Variants in HS3ST4 observed in about 807,000 individuals in gnomAD.
HS3ST4 encodes the protein heparan sulfate-glucosamine 3-sulfotransferase 4.
HS3ST4 carries 17 observed loss-of-function variants against 29.2 expected under a neutral mutation model. The observed-to-expected ratio is 0.58, with a 90% CI of 0.40 to 0.87. The LOEUF is 0.87. Among genes scored for constraint, HS3ST4 ranks in the 40% least tolerant of loss-of-function variants. HS3ST4 has a pLI of 0.00. For missense variants in HS3ST4, 627 were observed against 634.5 expected (o/e 0.99, Z 0.13); for synonymous variants, 314 against 285.7 (o/e 1.10, Z -1.00).
At chr16:25,951,784 C>T (rs6497902) in intron 1 of HS3ST4, among the ~76,000 whole-genome samples, 23,687 of 152,054 alleles carry the variant, frequency 0.16, 3,374 homozygotes, top group African/African-American at 0.38. Context: ...TTCCCAGACA[C>T]TTTTCTAGAC....
At chr16:26,132,737 A>C (rs1170301790) in intron 1 of HS3ST4, among the ~76,000 whole-genome samples, 1 of 152,194 alleles carries the variant, frequency 6.6e-6, no homozygotes, top group Non-Finnish European at 1.5e-5. Context: ...AAAGTTGAGC[A>C]GCTGCTCCTA....
intron 1 of HS3ST4, among the ~76,000 whole-genome samples, chr16:25,800,221 A>G (rs1025159125): frequency 5.9e-5 from 9 of 152,100 alleles, no homozygotes; most frequent in African/African-American, 1.7e-4. Flanking sequence ...GTCAAATTTT[A>G]ATGTAAGTTT....
intron 1 of HS3ST4, chr16:26,062,672 G>A (rs1177535608): frequency 1.3e-5 from 2 of 151,598 alleles, no homozygotes; most frequent in Admixed American, 1.3e-4. Context: ...CACGAAAATT[G>A]TTTACATGAT....
chr16:25,842,505 C>A (rs1967425976), intron 1 of HS3ST4, among the ~76,000 whole-genome samples: 1 of 152,180 alleles, frequency 6.6e-6, no homozygotes, highest in South Asian at 2.1e-4. Flanking sequence ...GAAGAAGCTG[C>A]CTTTTTCATC....
intron 1 of HS3ST4, among the ~76,000 whole-genome samples, chr16:26,036,405 C>G (rs1302702159): frequency 6.6e-6 from 1 of 152,124 alleles, no homozygotes; most frequent in Admixed American, 6.5e-5. Flanking sequence ...TAGACGTGAC[C>G]CTGCCCAATC....
At chr16:25,883,160 T>A (rs977250825) in intron 1 of HS3ST4, among the ~76,000 whole-genome samples, 2 of 150,286 alleles carry the variant, frequency 1.3e-5, no homozygotes, top group Non-Finnish European at 3.0e-5. Context: ...TTTTTTTTTT[T>A]TTTTTTTCAG....
intron 1 of HS3ST4, among the ~76,000 whole-genome samples, chr16:25,812,043 C>T (rs954826953): frequency 6.6e-6 from 1 of 152,092 alleles, no homozygotes; most frequent in South Asian, 2.1e-4. Context: ...ATATGTACCA[C>T]GTTTTCTTTA....
intron 1 of HS3ST4, among the ~76,000 whole-genome samples, chr16:25,963,158 G>A (rs1008884216): frequency 3.3e-5 from 5 of 152,208 alleles, no homozygotes; most frequent in South Asian, 2.1e-4. Context: ...CATCATCCCC[G>A]TATCCCAAAT....
intron 1 of HS3ST4, among the ~76,000 whole-genome samples, chr16:25,779,413 A>G (rs1039845234): frequency 6.6e-6 from 1 of 152,238 alleles, no homozygotes; most frequent in Non-Finnish European, 1.5e-5. Flanking sequence ...ATCCAAGGCT[A>G]TGTAAGTCTG....
At chr16:25,873,443 C>A (rs1967784702) in intron 1 of HS3ST4, among the ~76,000 whole-genome samples, 1 of 146,900 alleles carries the variant, frequency 6.8e-6, no homozygotes, top group Non-Finnish European at 1.5e-5. Context: ...TCCATCCATC[C>A]ATCCACCCAT....
chr16:25,832,871 C>T (rs1419539055), intron 1 of HS3ST4, among the ~76,000 whole-genome samples: 2 of 152,086 alleles, frequency 1.3e-5, no homozygotes, highest in African/African-American at 4.8e-5. Flanking sequence ...CTCAATATTT[C>T]CCCAAACAAA....
intron 1 of HS3ST4, among the ~76,000 whole-genome samples, chr16:25,786,846 G>A (rs1966858420): frequency 6.6e-6 from 1 of 152,150 alleles, no homozygotes; most frequent in African/African-American, 2.4e-5. Flanking sequence ...TGCTTCAAGA[G>A]TGACAGCCAC....
At chr16:26,080,668 G>T (rs1477165349) in intron 1 of HS3ST4, among the ~76,000 whole-genome samples, 2 of 152,158 alleles carry the variant, frequency 1.3e-5, no homozygotes, top group Non-Finnish European at 2.9e-5. Flanking sequence ...AGGGACAAGG[G>T]AGCTGAGGGA....
intron 1 of HS3ST4, among the ~76,000 whole-genome samples, chr16:26,014,024 A>AAATAAATAAATG: frequency 6.6e-6 from 1 of 151,406 alleles, no homozygotes; most frequent in East Asian, 1.9e-4. Flanking sequence ...ATAAATAAAT[A>AAATAAATAAATG]AATAAATAAA....
chr16:25,958,387 A>G (rs921023808), intron 1 of HS3ST4, among the ~76,000 whole-genome samples: 2 of 152,134 alleles, frequency 1.3e-5, no homozygotes, highest in African/African-American at 4.8e-5. Context: ...GCTGGAGTGC[A>G]GTGGTGTGAT....
chr16:25,795,739 A>G lies in HS3ST4; in HGVS notation c.734+102588A>G, dbSNP rs77046154. On this transcript the variant is annotated intron_variant, in intron 1 of 1. Transcript: ENST00000331351. The stretch of plus-strand genomic sequence containing the variant: ...TGTGGCAGGCAGCAGGGGAACAGGC[A>G]TCTCAGACCATCATAGATAGAGCTG... Among the ~76,000 whole-genome samples the G allele has an allele frequency of 7.0e-3, 1,071 of 152,282 alleles. 18 individuals are homozygous for G. Among genetic ancestry groups the G allele is most frequent in the African/African-American group, 0.025 (1,022 of 41,552 alleles).
At chr16:25,860,167 C>G (rs543017903) in intron 1 of HS3ST4, among the ~76,000 whole-genome samples, 1 of 152,236 alleles carries the variant, frequency 6.6e-6, no homozygotes, top group African/African-American at 2.4e-5. Flanking sequence ...GGTTGAGACC[C>G]CTGCTATTAG....
At chr16:25,913,991 G>A (rs1396376038) in intron 1 of HS3ST4, among the ~76,000 whole-genome samples, 1 of 148,150 alleles carries the variant, frequency 6.7e-6, no homozygotes, top group African/African-American at 2.5e-5. Flanking sequence ...GTGTGTGTGT[G>A]CAGGGAGGTG....
intron 1 of HS3ST4, among the ~76,000 whole-genome samples, chr16:26,014,931 T>G (rs1969349078): frequency 6.6e-6 from 1 of 152,190 alleles, no homozygotes; most frequent in Admixed American, 6.5e-5. Flanking sequence ...ATTTAGAGAC[T>G]TCTTCTGGCT....
Sources: gnomAD v4.1 joint callset for allele counts (sites outside exome capture counted in the v4.1 genomes callset) on GRCh38, gnomAD v4.1.1 for gene constraint, MANE v1.5 for transcripts, NCBI Gene and HGNC (gene_info 2026-07-23, HGNC 2026-07-21) for gene names.